GLRA2: variants seen among roughly 807,000 people sequenced by gnomAD.
The protein encoded by GLRA2 is glycine receptor subunit alpha-2.
A neutral mutation model predicts 31.6 loss-of-function variants in GLRA2; 11 were observed. The observed-to-expected ratio is 0.35, with a 90% CI of 0.22 to 0.58. The LOEUF (loss-of-function observed/expected upper bound fraction) is 0.58, where lower values mean the gene tolerates loss of function less well. Ranked by LOEUF, GLRA2 falls within the 20% of genes least tolerant of loss-of-function variation. The probability of loss-of-function intolerance (pLI) is 0.84; values close to 1 mark genes in which losing one functional copy is unlikely to be tolerated. For synonymous variants in GLRA2, 132 were observed against 134.0 expected (o/e 0.99, Z 0.10); for missense variants, 212 against 351.8 (o/e 0.60, Z 3.18).
chrX:14,486,516 A>C, the GLRA2 span, among the ~76,000 whole-genome samples: 1 of 111,865 alleles, frequency 8.9e-6, no homozygotes, highest in Non-Finnish European at 1.9e-5. Flanking sequence ...AATATATAAA[A>C]ATATCCCATA....
At chrX:14,467,071 A>T in the GLRA2 span, among the ~76,000 whole-genome samples, 4 of 112,426 alleles carry the variant, frequency 3.6e-5, no homozygotes, top group African/African-American at 1.3e-4. Context: ...TCTGAGTCAA[A>T]TTGACTTCCT....
intron 2 of GLRA2, among the ~76,000 whole-genome samples, chrX:14,553,060 C>T (rs1052278339): frequency 6.3e-5 from 7 of 111,545 alleles, no homozygotes; most frequent in African/African-American, 2.3e-4. Context: ...GAGAGGAGGC[C>T]GTGTGGCTTC....
chrX:14,514,394 A>G, the GLRA2 span, among the ~76,000 whole-genome samples: 10 of 111,036 alleles, frequency 9.0e-5, no homozygotes, highest in Non-Finnish European at 1.9e-4. Flanking sequence ...AAAAAAACCT[A>G]TGGAAATAAA....
intron 2 of GLRA2, among the ~76,000 whole-genome samples, chrX:14,542,009 A>G (rs1295511234): frequency 9.0e-6 from 1 of 111,557 alleles, no homozygotes; most frequent in East Asian, 2.8e-4. Flanking sequence ...ACACCTCTCC[A>G]TCTACAGAAT....
At chrX:14,693,698 C>T (rs765292698) in intron 8 of GLRA2, among the ~76,000 whole-genome samples, 2 of 111,818 alleles carry the variant, frequency 1.8e-5, no homozygotes, top group South Asian at 3.7e-4. Flanking sequence ...TGGACTATAA[C>T]GCACCTCATA....
At chrX:14,537,564 C>T (rs1446933876) in intron 2 of GLRA2, among the ~76,000 whole-genome samples, 1 of 111,038 alleles carries the variant, frequency 9.0e-6, no homozygotes, top group Non-Finnish European at 1.9e-5. Flanking sequence ...AATCCCTTGT[C>T]CAATAACTAT....
chrX:14,668,271 A>G (rs1316367337), intron 7 of GLRA2, among the ~76,000 whole-genome samples: 1 of 112,282 alleles, frequency 8.9e-6, no homozygotes, highest in East Asian at 2.8e-4. Flanking sequence ...GATGGAAGGC[A>G]GTCTTTTATA....
At chrX:14,581,619 T>C (rs944752271) in intron 4 of GLRA2, among the ~76,000 whole-genome samples, 21 of 111,853 alleles carry the variant, frequency 1.9e-4, no homozygotes, top group African/African-American at 6.5e-4. Context: ...GGATGGTACA[T>C]GGTTAATGGT....
At chrX:14,467,804 G>T in the GLRA2 span, among the ~76,000 whole-genome samples, 1 of 110,186 alleles carries the variant, frequency 9.1e-6, no homozygotes, top group Non-Finnish European at 1.9e-5. Flanking sequence ...ACCTCCTGAA[G>T]TGTGATATAA....
At chrX:14,459,623 C>T in the GLRA2 span, among the ~76,000 whole-genome samples, 1 of 111,425 alleles carries the variant, frequency 9.0e-6, no homozygotes, top group Non-Finnish European at 1.9e-5. Flanking sequence ...GTATTTTATT[C>T]CCTTTGTAGC....
At chrX:14,661,034 C>G (rs912304926) in intron 7 of GLRA2, among the ~76,000 whole-genome samples, 1 of 112,198 alleles carries the variant, frequency 8.9e-6, no homozygotes, top group African/African-American at 3.2e-5. Flanking sequence ...CATTTATCTC[C>G]AGCCCTTAAC....
chrX:14,461,804 T>G, the GLRA2 span, among the ~76,000 whole-genome samples: 1 of 112,280 alleles, frequency 8.9e-6, no homozygotes, highest in Non-Finnish European at 1.9e-5. Context: ...CTTTATCCAT[T>G]GTGCCAGTCT....
the GLRA2 span, among the ~76,000 whole-genome samples, chrX:14,512,953 A>T: frequency 8.9e-6 from 1 of 111,952 alleles, no homozygotes; most frequent in South Asian, 3.7e-4. Context: ...GAGCCTGCAT[A>T]GTCAAAGAAA....
intron 7 of GLRA2, among the ~76,000 whole-genome samples, chrX:14,675,761 T>A (rs1178227539): frequency 9.0e-6 from 1 of 111,657 alleles, no homozygotes; most frequent in Non-Finnish European, 1.9e-5. Flanking sequence ...AGTGAAACTA[T>A]AAACATGAAA....
chrX:14,599,916 T>C (rs1341475049), intron 4 of GLRA2, among the ~76,000 whole-genome samples: 1 of 111,924 alleles, frequency 8.9e-6, no homozygotes, highest in African/African-American at 3.2e-5. Context: ...CAGGGACTTA[T>C]TAGATCTTTA....
Position 14,529,840 on chromosome X carries a change from A to G in GLRA2, c.-218A>G, listed in dbSNP as rs963819263. ...TCTGAGGCTTTGTCTTTCTGGGTTA[A>G]CTGATGGTCCCAAGCCTCGGTTTGA... On this transcript the variant is annotated 5_prime_UTR_variant, in exon 1 of 9. Transcript: ENST00000218075. 2.3e-6 allele frequency: 1 copy of G among 428,946 alleles called. No homozygotes were observed. Among genetic ancestry groups the G allele is most frequent in the Admixed American group, 4.2e-5 (1 of 23,986 alleles). The allele number at this position is 428,946 out of a possible 1,213,427, so 35.3% of individuals were successfully genotyped here. A position where few individuals can be genotyped will look rare whatever the true frequency, so the allele number is the denominator to read the frequency against.
In GLRA2 at chrX:14,609,183, G is replaced by T; in HGVS notation, c.908G>T (p.Gly303Val). The T allele has an allele frequency of 8.4e-7, 1 of 1,185,466 alleles. No individual in the cohort carries two copies. The highest frequency in any genetic ancestry group is 1.1e-6 in the Non-Finnish European group (1 of 873,406). Residue 303 changes from glycine (G) to valine (V), a missense_variant, in exon 7 of 9, where the codon GGC becomes GTC. By Grantham distance (109) the Gly-to-Val change is moderately radical. This residue lies in a region of GLRA2 where 110 missense variants were observed against 232.6 expected (regional missense o/e 0.47). Transcript: ENST00000218075. ...TTAACGATGACCACCCAGAGTTCAG[G>T]CTCCAGGGCATCTCTGCCAAAGGTA... ...TVLTMTTQSSGSRASLPKVSY... is the reference protein window; with the variant it reads ...TVLTMTTQSSVSRASLPKVSY...
the GLRA2 span, among the ~76,000 whole-genome samples, chrX:14,455,904 A>G: frequency 7.2e-5 from 8 of 111,793 alleles, no homozygotes; most frequent in Non-Finnish European, 1.3e-4. Context: ...TGTTTGAGTT[A>G]TATTCGTAAA....
At chrX:14,704,909 G>C (rs1013550863) in intron 8 of GLRA2, among the ~76,000 whole-genome samples, 3 of 111,971 alleles carry the variant, frequency 2.7e-5, no homozygotes, top group African/African-American at 9.7e-5. Context: ...ATGAGGTAGA[G>C]AATTTTAAGA....
Sources: gnomAD v4.1 joint callset for allele counts (sites outside exome capture counted in the v4.1 genomes callset) on GRCh38, gnomAD v4.1.1 for gene constraint, gnomAD v4.1.1 regional missense constraint, MANE v1.5 for transcripts, NCBI Gene and HGNC (gene_info 2026-07-23, HGNC 2026-07-21) for gene names.